Variants in CAMTA1 observed in about 807,000 individuals in gnomAD.
CAMTA1 encodes calmodulin-binding transcription activator 1.
In CAMTA1, 27 loss-of-function variants were observed where a neutral mutation model predicts 170.9. The ratio of observed to expected loss-of-function variants is 0.16; its 90% CI spans 0.12 to 0.22. The LOEUF (loss-of-function observed/expected upper bound fraction) is 0.22, where lower values mean the gene tolerates loss of function less well. Among genes scored for constraint, CAMTA1 ranks in the 10% least tolerant of loss-of-function variants. The pLI is 1.00. For missense variants in CAMTA1, 1,619 were observed against 2,217.2 expected (o/e 0.73, Z 5.42); for synonymous variants, 833 against 891.5 (o/e 0.93, Z 1.17).
intron 3 of CAMTA1, among the ~76,000 whole-genome samples, chr1:6,859,660 G>A (rs754114889): frequency 1.3e-5 from 2 of 152,026 alleles, no homozygotes; most frequent in African/African-American, 4.8e-5. Context: ...ATGGTTGTGC[G>A]TTCCTGTGGT....
At chr1:6,833,257 G>C (rs528124369) in intron 3 of CAMTA1, among the ~76,000 whole-genome samples, 1 of 152,256 alleles carries the variant, frequency 6.6e-6, no homozygotes, top group Non-Finnish European at 1.5e-5. Context: ...ATCTAAACTA[G>C]TTTTATTATA....
At chr1:7,230,932 C>T (rs561250669) in intron 4 of CAMTA1, among the ~76,000 whole-genome samples, 3 of 152,226 alleles carry the variant, frequency 2.0e-5, no homozygotes, top group Non-Finnish European at 2.9e-5. Context: ...TCACTCAGCA[C>T]CATGCTCGTG....
chr1:6,979,747 G>A (rs1324706481), intron 3 of CAMTA1, among the ~76,000 whole-genome samples: 1 of 152,118 alleles, frequency 6.6e-6, no homozygotes, highest in Admixed American at 6.5e-5. Flanking sequence ...GGTGTAGCTG[G>A]GGGAGAGGAC....
At chr1:7,513,109 AG>A (rs5772280) in intron 6 of CAMTA1, among the ~76,000 whole-genome samples, 24,535 of 151,954 alleles carry the variant, frequency 0.16, 2,118 homozygotes, top group East Asian at 0.26. Context: ...ATAGGGGAAA[AG>A]GGGAGACCAG....
chr1:6,964,234 G>A (rs1691115508), intron 3 of CAMTA1, among the ~76,000 whole-genome samples: 1 of 152,048 alleles, frequency 6.6e-6, no homozygotes, highest in South Asian at 2.1e-4. Flanking sequence ...CGTCCTGGAG[G>A]TCTGGGTAGG....
intron 5 of CAMTA1, among the ~76,000 whole-genome samples, chr1:7,323,507 C>CTT (rs56382342): frequency 1.9e-4 from 21 of 108,982 alleles, no homozygotes; most frequent in East Asian, 2.9e-4. Flanking sequence ...CTTTATTCTT[C>CTT]TTTTTTTTTT....
At chr1:7,478,707 A>G (rs2093464621) in intron 6 of CAMTA1, among the ~76,000 whole-genome samples, 1 of 53,620 alleles carries the variant, frequency 1.9e-5, no homozygotes, top group Admixed American at 1.4e-4. Context: ...CAGTTTGGTT[A>G]CTATCTTTAT....
At chr1:7,618,591 C>G (rs2150746157) in intron 6 of CAMTA1, among the ~76,000 whole-genome samples, 1 of 152,308 alleles carries the variant, frequency 6.6e-6, no homozygotes, top group South Asian at 2.1e-4. Context: ...TTTTACAGTG[C>G]CTTCTTAATT....
intron 4 of CAMTA1, among the ~76,000 whole-genome samples, chr1:7,181,231 A>G (rs1362062558): frequency 1.3e-5 from 2 of 152,242 alleles, no homozygotes; most frequent in African/African-American, 4.8e-5. Context: ...AATAGGAATA[A>G]ATAGATGCTT....
rs139645740 is a variant in CAMTA1 at position 7,121,661 on chromosome 1, G to A, written c.302+30290G>A. 1.3e-4 allele frequency among the ~76,000 whole-genome samples: 20 copies of A among 152,318 alleles called. No individual in the cohort carries two copies. In the East Asian group the frequency reaches 3.7e-3, roughly 28 times the overall value. ...CCAGGGGGTCTCTGGAAAGAACAAG[G>A]CAGGGTTCTGCTCTTCCACTGTGCC... On this transcript the variant is annotated intron_variant, in intron 4 of 22. Coordinates refer to ENST00000303635, the MANE Select transcript of CAMTA1 (RefSeq NM_015215.4).
chr1:7,750,860 T>G (rs2096891490), intron 19 of CAMTA1: 1 of 320,200 alleles, frequency 3.1e-6, no homozygotes, highest in African/African-American at 2.1e-5. Context: ...AAAATATTAA[T>G]CCGAAGCATT....
intron 6 of CAMTA1, among the ~76,000 whole-genome samples, chr1:7,474,371 T>C (rs1361270481): frequency 6.6e-6 from 1 of 152,226 alleles, no homozygotes; most frequent in African/African-American, 2.4e-5. Flanking sequence ...CTCAGTTTGC[T>C]CATCCATAAA....
chr1:6,800,296 A>G (rs952593943), intron 1 of CAMTA1, among the ~76,000 whole-genome samples: 35 of 151,994 alleles, frequency 2.3e-4, no homozygotes, highest in African/African-American at 8.5e-4. Context: ...GATCCCAGGT[A>G]CCTGGGAGGC....
At chr1:7,442,469 C>T (rs541012242) in intron 5 of CAMTA1, among the ~76,000 whole-genome samples, 2 of 152,200 alleles carry the variant, frequency 1.3e-5, no homozygotes, top group East Asian at 1.9e-4. Context: ...ACAGGGAGCA[C>T]GTAGGTTCGC....
intron 6 of CAMTA1, among the ~76,000 whole-genome samples, chr1:7,568,232 CCAT>C (rs1250431431): frequency 6.6e-6 from 1 of 151,258 alleles, no homozygotes; most frequent in African/African-American, 2.4e-5. Flanking sequence ...CCACCACCAT[CCAT>C]CATCAACATC....
At chr1:7,201,296 T>G (rs1171441220) in intron 4 of CAMTA1, among the ~76,000 whole-genome samples, 1 of 152,244 alleles carries the variant, frequency 6.6e-6, no homozygotes, top group Admixed American at 6.5e-5. Context: ...CTTCATTATA[T>G]GGATATAACT....
rs1205208763 is a variant in CAMTA1 at position 7,738,090 on chromosome 1, G to A, written c.3790G>A (p.Ala1264Thr). 1.9e-6 allele frequency: 3 copies of A among 1,614,020 alleles called. No individual in the cohort carries two copies. Among genetic ancestry groups the A allele is most frequent in the Non-Finnish European group, 2.5e-6 (3 of 1,180,044 alleles). ...AAGGCAGGAGAAGCTGCTTCCCACT[G>A]CACTGAGTCTGGAAGAGCCAAATAT... The part of the protein sequence containing the change: ...QTRQEKLLPT[A>T]LSLEEPNIRK... Residue 1264 changes from alanine to threonine, a missense_variant, in exon 16 of 23, where the codon GCA becomes ACA. This residue lies in a region of CAMTA1 where 370 missense variants were observed against 429.4 expected (regional missense o/e 0.86). Transcript: ENST00000303635. The surrounding 1 kb of genome is among the most constrained non-coding windows in gnomAD (Gnocchi z 4.9).
At chr1:6,785,654 G>C (rs1214980609) in intron 1 of CAMTA1, 79 bp downstream of exon 1, 2 of 766,884 alleles carry the variant, frequency 2.6e-6, no homozygotes, top group Non-Finnish European at 3.2e-6. Context: ...CCCGGGCATC[G>C]GCGGCGCCGG....
chr1:7,484,316 C>T (rs1022079010), intron 6 of CAMTA1, among the ~76,000 whole-genome samples: 1 of 152,208 alleles, frequency 6.6e-6, no homozygotes, highest in Non-Finnish European at 1.5e-5. Context: ...AAGGGTTGTC[C>T]TGATGCAGCC....
Sources: allele counts gnomAD v4.1 joint callset (sites outside exome capture counted in the v4.1 genomes callset), GRCh38; gene constraint gnomAD v4.1.1; regional missense constraint gnomAD v4.1.1; non-coding constraint Gnocchi (gnomAD v3.1); transcripts MANE v1.5; gene names NCBI Gene and HGNC (gene_info 2026-07-23, HGNC 2026-07-21).